NKAIN3: variants seen among roughly 807,000 people sequenced by gnomAD.
NKAIN3 encodes sodium/potassium transporting ATPase interacting 3, also known as sodium/potassium-transporting ATPase subunit beta-1-interacting protein 3.
Under a neutral mutation model 30.2 loss-of-function variants are expected in NKAIN3, and 25 were observed. That is an observed-to-expected ratio of 0.83 (90% CI 0.60 to 1.16). The LOEUF (loss-of-function observed/expected upper bound fraction) is 1.16. Among genes scored for constraint, NKAIN3 ranks in the 50% most tolerant of loss-of-function variants. NKAIN3 has a pLI of 0.00. For synonymous variants in NKAIN3, 91 were observed against 89.6 expected (o/e 1.02, Z -0.09); for missense variants, 225 against 254.1 (o/e 0.89, Z 0.78).
intron 1 of NKAIN3, among the ~76,000 whole-genome samples, chr8:62,414,282 G>C (rs1404761120): frequency 6.6e-6 from 1 of 152,068 alleles, no homozygotes; most frequent in African/African-American, 2.4e-5. Flanking sequence ...GGGATTTTCT[G>C]TATACTGTGT....
At position 62,976,868 on chromosome 8, in the gene NKAIN3, A is replaced by C. The variant is rs1048333907; in HGVS notation, c.*11461A>C. 2.6e-5 allele frequency among the ~76,000 whole-genome samples: 4 copies of C among 152,178 alleles called. No individual in the cohort carries two copies. Among genetic ancestry groups the C allele is most frequent in the Admixed American group, 1.3e-4 (2 of 15,268 alleles). On this transcript the variant is annotated 3_prime_UTR_variant, in exon 7 of 7. Transcript: ENST00000623646. Reference sequence around the variant, plus strand: ...GTACTTCTTTCAGAAGCTCTTGTAAAGGCAGGCTTGGTGTGACAAAATTCC... The same window carrying C: ...GTACTTCTTTCAGAAGCTCTTGTAACGGCAGGCTTGGTGTGACAAAATTCC...
chr8:62,420,288 A>G (rs1804592548), intron 1 of NKAIN3, among the ~76,000 whole-genome samples: 1 of 152,198 alleles, frequency 6.6e-6, no homozygotes, highest in Admixed American at 6.5e-5. Flanking sequence ...AATTTCACCA[A>G]ACAATGGACT....
chr8:62,884,090 A>G (rs1171999471), intron 4 of NKAIN3, among the ~76,000 whole-genome samples: 1 of 152,140 alleles, frequency 6.6e-6, no homozygotes, highest in Non-Finnish European at 1.5e-5. Context: ...CTTTTTATAC[A>G]TTGTTGAATT....
chr8:62,398,429 A>G (rs1817834599), intron 1 of NKAIN3, among the ~76,000 whole-genome samples: 1 of 73,750 alleles, frequency 1.4e-5, no homozygotes, highest in African/African-American at 5.0e-5. Context: ...TAAACCACAA[A>G]ATAAGCAAGT....
chr8:62,695,390 C>T (rs1814122669), intron 3 of NKAIN3, among the ~76,000 whole-genome samples: 1 of 152,024 alleles, frequency 6.6e-6, no homozygotes, highest in African/African-American at 2.4e-5. Flanking sequence ...GAGAGAAAGC[C>T]ACGTGCATGG....
intron 5 of NKAIN3, among the ~76,000 whole-genome samples, chr8:62,932,378 T>G (rs1822649015): frequency 6.6e-6 from 1 of 152,212 alleles, no homozygotes; most frequent in Non-Finnish European, 1.5e-5. Flanking sequence ...GATACTGGTT[T>G]GTGTAAAGTG....
chr8:62,505,800 C>A (rs1807614653), intron 1 of NKAIN3, among the ~76,000 whole-genome samples: 1 of 152,088 alleles, frequency 6.6e-6, no homozygotes, highest in Admixed American at 6.6e-5. Flanking sequence ...AATTACCACA[C>A]AACAGGTGGC....
At chr8:62,390,636 G>A (rs946650199) in intron 1 of NKAIN3, among the ~76,000 whole-genome samples, 1 of 152,170 alleles carries the variant, frequency 6.6e-6, no homozygotes, top group African/African-American at 2.4e-5. Context: ...TTCCACAATG[G>A]TTGAACTAAT....
chr8:62,829,785 G>T (rs1819139906), intron 4 of NKAIN3, among the ~76,000 whole-genome samples: 1 of 148,876 alleles, frequency 6.7e-6, no homozygotes, highest in Non-Finnish European at 1.5e-5. Context: ...TAAAAGGAAA[G>T]CCATTTAAAA....
chr8:62,535,608 A>G lies in NKAIN3; in HGVS notation c.55-43931A>G, dbSNP rs146559520. 7.8e-3 allele frequency among the ~76,000 whole-genome samples: 1,190 copies of G among 152,250 alleles called. 19 individuals carry two copies. The highest frequency in any genetic ancestry group is 0.027 in the African/African-American group (1,136 of 41,554). On this transcript the variant is annotated intron_variant, in intron 1 of 6. Transcript: ENST00000623646. ...AACATTTACTTACATTTGCTGATTT[A>G]TTATAAAATATATTGCAAAGGATCA...
chr8:62,986,646 C>G (rs1824205853), downstream of NKAIN3, among the ~76,000 whole-genome samples: 1 of 152,154 alleles, frequency 6.6e-6, no homozygotes, highest in South Asian at 2.1e-4. Flanking sequence ...GTCACAATAA[C>G]TTAATCATGT....
chr8:62,950,537 T>C (rs747355991), intron 5 of NKAIN3, among the ~76,000 whole-genome samples: 1 of 152,192 alleles, frequency 6.6e-6, no homozygotes, highest in African/African-American at 2.4e-5. Context: ...GTTTTACCTA[T>C]ATGTGATATA....
intron 3 of NKAIN3, among the ~76,000 whole-genome samples, chr8:62,631,195 G>A (rs909980978): frequency 1.3e-5 from 2 of 152,040 alleles, no homozygotes; most frequent in African/African-American, 2.4e-5. Flanking sequence ...CAACTCTTTC[G>A]AAAACCCACA....
chr8:62,607,887 C>T (rs780904786), intron 3 of NKAIN3, among the ~76,000 whole-genome samples: 11 of 152,062 alleles, frequency 7.2e-5, no homozygotes, highest in East Asian at 1.9e-4. Context: ...TTTTTGTATA[C>T]GTTGAAATGT....
chr8:62,335,611 C>T (rs1585693562), intron 1 of NKAIN3, among the ~76,000 whole-genome samples: 1 of 151,792 alleles, frequency 6.6e-6, no homozygotes, highest in Admixed American at 6.6e-5. Flanking sequence ...TGTGCCCTCC[C>T]CACAACATAT....
intron 1 of NKAIN3, among the ~76,000 whole-genome samples, chr8:62,331,435 T>A (rs570193701): frequency 6.6e-6 from 1 of 152,222 alleles, no homozygotes; most frequent in African/African-American, 2.4e-5. Flanking sequence ...CCAAACTCCT[T>A]GAAGGCAGGG....
At chr8:62,712,584 C>T (rs1305648868) in intron 3 of NKAIN3, among the ~76,000 whole-genome samples, 1 of 152,152 alleles carries the variant, frequency 6.6e-6, no homozygotes, top group Non-Finnish European at 1.5e-5. Flanking sequence ...TCACTCCCAG[C>T]GTGCACCACC....
At chr8:62,437,225 A>G (rs189899963) in intron 1 of NKAIN3, among the ~76,000 whole-genome samples, 1 of 152,320 alleles carries the variant, frequency 6.6e-6, no homozygotes, top group Non-Finnish European at 1.5e-5. Flanking sequence ...ATAATATCTC[A>G]AAGAATAACC....
At chr8:62,927,416 C>G (rs1253475214) in intron 5 of NKAIN3, among the ~76,000 whole-genome samples, 3 of 152,034 alleles carry the variant, frequency 2.0e-5, no homozygotes, top group Non-Finnish European at 2.9e-5. Context: ...ATCTAGTGTT[C>G]AATAGTAGAG....
Sources: allele counts gnomAD v4.1 joint callset (sites outside exome capture counted in the v4.1 genomes callset), GRCh38; gene constraint gnomAD v4.1.1; transcripts MANE v1.5; gene names NCBI Gene and HGNC (gene_info 2026-07-23, HGNC 2026-07-21).